Variants in KCNK10 observed in about 807,000 individuals in gnomAD.
KCNK10 encodes the protein potassium two pore domain channel subfamily K member 10.
KCNK10 carries 25 observed loss-of-function variants against 47.7 expected under a neutral mutation model. That is an observed-to-expected ratio of 0.52 (90% CI 0.38 to 0.73). The LOEUF (loss-of-function observed/expected upper bound fraction) is 0.73. KCNK10 is among the 30% of genes least tolerant of loss of function. The pLI is 0.00. For missense variants in KCNK10, 563 were observed against 714.5 expected (o/e 0.79, Z 2.42); for synonymous variants, 303 against 285.6 (o/e 1.06, Z -0.61).
intron 1 of KCNK10, among the ~76,000 whole-genome samples, chr14:88,271,932 A>G (rs920957662): frequency 8.5e-5 from 13 of 152,104 alleles, no homozygotes; most frequent in African/African-American, 3.1e-4. Flanking sequence ...ATGGCAAAAA[A>G]AAAAAAAAAG....
intron 1 of KCNK10, among the ~76,000 whole-genome samples, chr14:88,303,422 A>G (rs575330184): frequency 1.3e-5 from 2 of 152,234 alleles, no homozygotes; most frequent in East Asian, 1.9e-4. Context: ...GGTGGCTTGG[A>G]AAGAATGTGA....
chr14:88,283,052 T>G (rs1204762093), intron 1 of KCNK10, among the ~76,000 whole-genome samples: 1 of 152,236 alleles, frequency 6.6e-6, no homozygotes, highest in Non-Finnish European at 1.5e-5. Context: ...TTCACATTTC[T>G]TTTCATCACA....
Position 88,180,812 on chromosome 14 carries a change from G to T in KCNK10, c.*4723C>A, listed in dbSNP as rs1884320752. 2 of 398,742 alleles carry T rather than the reference G, an allele frequency of 5.0e-6. No homozygotes were observed. The highest frequency in any genetic ancestry group is 4.1e-5 in the African/African-American group (2 of 48,748). The allele number at this position is 398,742 out of a possible 1,614,324, so 24.7% of individuals were successfully genotyped here. A position where few individuals can be genotyped will look rare whatever the true frequency, so the allele number is the denominator to read the frequency against. ...AATGAAGGTATGGTGCAGAGACAGA[G>T]GACAGGGCTTTGCTTACAGCCATGT... is the stretch of plus-strand genomic sequence containing the variant. On this transcript the variant is annotated 3_prime_UTR_variant, in exon 7 of 7. Coordinates refer to ENST00000319231, the MANE Select transcript of KCNK10 (RefSeq NM_138317.3).
chr14:88,240,641 G>T (rs1886427607), intron 3 of KCNK10, 62 bp downstream of exon 3: 1 of 1,070,244 alleles, frequency 9.3e-7, no homozygotes, highest in Non-Finnish European at 1.5e-6. Context: ...ACAAAACACT[G>T]ACTAAGCGCC....
intron 1 of KCNK10, among the ~76,000 whole-genome samples, chr14:88,304,990 G>A (rs1252084275): frequency 1.3e-5 from 2 of 152,166 alleles, no homozygotes; most frequent in Admixed American, 6.5e-5. Flanking sequence ...CTGACGTCAG[G>A]AGTTTGAGAC....
At chr14:88,202,635 A>G (rs552312627) in intron 4 of KCNK10, among the ~76,000 whole-genome samples, 2 of 152,290 alleles carry the variant, frequency 1.3e-5, no homozygotes, top group Non-Finnish European at 2.9e-5. Flanking sequence ...AGGTGTGGAG[A>G]TTCTCAGAGG....
At chr14:88,228,532 G>A (rs1595092719) in intron 3 of KCNK10, among the ~76,000 whole-genome samples, 1 of 152,178 alleles carries the variant, frequency 6.6e-6, no homozygotes, top group East Asian at 1.9e-4. Context: ...TATCTAGACA[G>A]TAATCTAACC....
chr14:88,212,031 T>A (rs185527635), intron 4 of KCNK10, among the ~76,000 whole-genome samples: 320 of 151,616 alleles, frequency 2.1e-3, no homozygotes, highest in Admixed American at 3.7e-3. Context: ...CTTTTGAGTA[T>A]GGCACTCCCT....
intron 4 of KCNK10, among the ~76,000 whole-genome samples, chr14:88,192,767 G>A (rs186547219): frequency 7.4e-4 from 112 of 152,310 alleles, no homozygotes; most frequent in African/African-American, 2.3e-3. Context: ...TCCCAAAAAT[G>A]CTACCATTTG....
At chr14:88,191,283 A>AT (rs1298495066) in intron 5 of KCNK10, among the ~76,000 whole-genome samples, 1 of 151,320 alleles carries the variant, frequency 6.6e-6, no homozygotes, top group African/African-American at 2.4e-5. Context: ...AAACAAAAAA[A>AT]AACAGTCTGC....
At chr14:88,293,944 G>A (rs916478043) in intron 1 of KCNK10, among the ~76,000 whole-genome samples, 2 of 152,166 alleles carry the variant, frequency 1.3e-5, no homozygotes, top group Non-Finnish European at 1.5e-5. Context: ...CTCCCAAGTA[G>A]CTGAAGTTAC....
At chr14:88,223,308 C>CTTTT (rs77234836) in intron 4 of KCNK10, among the ~76,000 whole-genome samples, 3 of 135,074 alleles carry the variant, frequency 2.2e-5, no homozygotes, top group Non-Finnish European at 3.2e-5. Context: ...CTTTAAAAAC[C>CTTTT]TTTTTTTTTT....
intron 4 of KCNK10, among the ~76,000 whole-genome samples, chr14:88,213,521 T>G (rs994326933): frequency 3.9e-4 from 59 of 152,288 alleles, no homozygotes; most frequent in African/African-American, 1.4e-3. Context: ...ACCTGGAATC[T>G]TTAAATACAG....
intron 1 of KCNK10, among the ~76,000 whole-genome samples, chr14:88,305,466 A>G (rs17124457): frequency 0.012 from 1,857 of 152,208 alleles, 49 homozygotes; most frequent in African/African-American, 0.043. Context: ...TTCATGCTGC[A>G]TGGATCACTC....
At chr14:88,280,857 T>C (rs1472493275) in intron 1 of KCNK10, among the ~76,000 whole-genome samples, 1 of 152,126 alleles carries the variant, frequency 6.6e-6, no homozygotes, top group African/African-American at 2.4e-5. Context: ...CTTTCCACTC[T>C]CACCCACTCC....
intron 1 of KCNK10, among the ~76,000 whole-genome samples, chr14:88,283,205 A>G (rs1887687858): frequency 6.6e-6 from 1 of 152,252 alleles, no homozygotes; most frequent in Non-Finnish European, 1.5e-5. Flanking sequence ...AAAGATCACG[A>G]TATGATCACT....
At chr14:88,230,336 C>T (rs1886121987) in intron 3 of KCNK10, among the ~76,000 whole-genome samples, 1 of 152,180 alleles carries the variant, frequency 6.6e-6, no homozygotes, top group Admixed American at 6.5e-5. Context: ...CAGAAGACAA[C>T]CAACTCCACA....
At position 88,185,924 on chromosome 14, in the gene KCNK10, C is replaced by A. The variant is rs769621803; in HGVS notation, c.1243G>T (p.Ala415Ser). Reference protein sequence around the residue: ...FAALDTGRFKASSQESINNRP... With the variant: ...FAALDTGRFKSSSQESINNRP... Reference sequence around the variant, plus strand: ...TTGTTGATGCTCTCCTGGGATGAGGCCTTGAAGCGGCCGGTGTCCAGGGCA... The same window carrying A: ...TTGTTGATGCTCTCCTGGGATGAGGACTTGAAGCGGCCGGTGTCCAGGGCA... Residue 415 changes from alanine to serine, a missense_variant, in exon 7 of 7, where the codon GCC (alanine) becomes TCC (serine). By Grantham distance (99) the Ala-to-Ser change is moderately conservative. Coordinates refer to ENST00000319231, the MANE Select transcript of KCNK10 (RefSeq NM_138317.3). This position sits in a 1 kb window ranked among gnomAD's most constrained non-coding sequence, Gnocchi z 4.3. 1.9e-6 allele frequency: 3 copies of A among 1,613,854 alleles called. No individual in the cohort carries two copies. Among genetic ancestry groups the A allele is most frequent in the African/African-American group, 1.3e-5 (1 of 74,872 alleles).
chr14:88,195,054 A>G (rs1884870169), intron 4 of KCNK10, among the ~76,000 whole-genome samples: 1 of 151,938 alleles, frequency 6.6e-6, no homozygotes, highest in Admixed American at 6.6e-5. Context: ...CCTTAATTGA[A>G]CATTTTAAAC....
Sources: gnomAD v4.1 joint callset for allele counts (sites outside exome capture counted in the v4.1 genomes callset) on GRCh38, gnomAD v4.1.1 for gene constraint, Gnocchi (gnomAD v3.1) non-coding constraint, MANE v1.5 for transcripts, NCBI Gene and HGNC (gene_info 2026-07-23, HGNC 2026-07-21) for gene names.